RGS6: variants seen among roughly 807,000 people sequenced by gnomAD.
RGS6 encodes regulator of G-protein signaling 6.
Under a neutral mutation model 78.5 loss-of-function variants are expected in RGS6, and 30 were observed. The observed-to-expected ratio is 0.38, with a 90% CI of 0.29 to 0.52. The LOEUF is 0.52. RGS6 is among the 20% of genes least tolerant of loss of function. The pLI is 0.85. For synonymous variants in RGS6, 206 were observed against 206.0 expected (o/e 1.00, Z 0.00); for missense variants, 495 against 609.7 (o/e 0.81, Z 1.98).
At chr14:72,017,356 A>G (rs914528188) in intron 2 of RGS6, among the ~76,000 whole-genome samples, 2 of 152,238 alleles carry the variant, frequency 1.3e-5, no homozygotes, top group African/African-American at 2.4e-5. Flanking sequence ...CATTATGCAG[A>G]CAGATAAAAT....
chr14:71,997,273 G>A (rs11625937), intron 2 of RGS6, among the ~76,000 whole-genome samples: 25,123 of 152,080 alleles, frequency 0.17, 2,146 homozygotes, highest in East Asian at 0.21. Context: ...GAGAAGAGGA[G>A]CTGTGAGAAG....
At chr14:72,004,006 A>G (rs2084022593) in intron 2 of RGS6, among the ~76,000 whole-genome samples, 1 of 152,162 alleles carries the variant, frequency 6.6e-6, no homozygotes, top group Non-Finnish European at 1.5e-5. Context: ...TTTGCTCTCC[A>G]CTGGAATCAC....
the RGS6 span, among the ~76,000 whole-genome samples, chr14:71,906,626 G>T: frequency 6.6e-6 from 1 of 152,068 alleles, no homozygotes; most frequent in African/African-American, 2.4e-5. Flanking sequence ...CATGATACAG[G>T]AGAGTGCCCA....
At chr14:72,607,836 A>G in the RGS6 span, among the ~76,000 whole-genome samples, 1 of 152,202 alleles carries the variant, frequency 6.6e-6, no homozygotes, top group Middle Eastern at 3.2e-3. Flanking sequence ...TGGCTCGACA[A>G]CCTGCTCAAT....
At chr14:72,447,932 G>A (rs772125424) in intron 3 of RGS6, among the ~76,000 whole-genome samples, 1 of 152,174 alleles carries the variant, frequency 6.6e-6, no homozygotes, top group Non-Finnish European at 1.5e-5. Flanking sequence ...TCAAAATCAT[G>A]ACCTCAGGTG....
the RGS6 span, among the ~76,000 whole-genome samples, chr14:71,900,308 G>A: frequency 0.011 from 1,636 of 152,182 alleles, 27 homozygotes; most frequent in African/African-American, 0.036. Context: ...AGCACATTTT[G>A]TATAATTACC....
At chr14:72,118,902 C>G (rs1029552738) in intron 2 of RGS6, among the ~76,000 whole-genome samples, 6 of 152,212 alleles carry the variant, frequency 3.9e-5, no homozygotes, top group African/African-American at 1.4e-4. Flanking sequence ...CAGAATGCTT[C>G]TCTAAAGTTT....
Position 72,076,942 on chromosome 14 carries a change from C to T in RGS6, c.84+112067C>T, listed in dbSNP as rs192146165. On this transcript the variant is annotated intron_variant, in intron 2 of 17. Coordinates refer to ENST00000553525, the MANE Select transcript of RGS6 (RefSeq NM_001204424.2). ...TATAAATAGCCAAATTATACATATA[C>T]AGCCAAATTTTATATATATATATAT... 2.1e-4 allele frequency among the ~76,000 whole-genome samples: 31 copies of T among 144,636 alleles called. No individual in the cohort carries two copies. In the East Asian group the frequency reaches 5.5e-3, roughly 26 times the overall value. 94.9% of individuals were successfully genotyped at this position (144,636 alleles called of 152,430 possible).
chr14:72,574,784 G>T, the RGS6 span, among the ~76,000 whole-genome samples: 4 of 152,228 alleles, frequency 2.6e-5, no homozygotes, highest in African/African-American at 9.6e-5. Context: ...TGCTGAGGGT[G>T]CAGTGGGTGG....
At chr14:72,339,113 T>A (rs1478223123) in intron 2 of RGS6, among the ~76,000 whole-genome samples, 4 of 152,064 alleles carry the variant, frequency 2.6e-5, no homozygotes, top group African/African-American at 7.2e-5. Flanking sequence ...CCATTTGCTA[T>A]GATCAGAATG....
intron 3 of RGS6, among the ~76,000 whole-genome samples, chr14:72,398,561 T>C (rs1046561350): frequency 7.9e-5 from 12 of 152,280 alleles, no homozygotes; most frequent in East Asian, 1.9e-4. Flanking sequence ...TTCAGTTCTG[T>C]TCTGATCTTA....
At chr14:72,300,657 G>T (rs1329951923) in intron 2 of RGS6, among the ~76,000 whole-genome samples, 1 of 152,194 alleles carries the variant, frequency 6.6e-6, no homozygotes, top group Non-Finnish European at 1.5e-5. Flanking sequence ...GTCAGTGAAG[G>T]GGGTGGCATA....
At position 72,269,896 on chromosome 14, in the gene RGS6, C is replaced by T. The variant is rs1437787668; in HGVS notation, c.85-82199C>T. ...ATAGCTTTAATGCATCAAATATGGGCTTAGTTCCTCATGTAAACAATTCTC... is the reference window on the plus strand; with the variant it reads ...ATAGCTTTAATGCATCAAATATGGGTTTAGTTCCTCATGTAAACAATTCTC... On this transcript the variant is annotated intron_variant, in intron 2 of 17. Transcript: ENST00000553525. Among the ~76,000 whole-genome samples the T allele has an allele frequency of 2.0e-5, 3 of 152,080 alleles. 1 individual carries two copies. The highest frequency in any genetic ancestry group is 4.2e-4 in the South Asian group (2 of 4,814).
At chr14:72,207,462 A>G (rs1214788651) in intron 2 of RGS6, among the ~76,000 whole-genome samples, 1 of 152,086 alleles carries the variant, frequency 6.6e-6, no homozygotes, top group Non-Finnish European at 1.5e-5. Context: ...TAGATTGTCC[A>G]CCCTTTATGC....
chr14:71,963,025 T>C (rs1021866745), intron 1 of RGS6, among the ~76,000 whole-genome samples: 14 of 152,314 alleles, frequency 9.2e-5, no homozygotes, highest in African/African-American at 3.4e-4. Context: ...TATAGGACTT[T>C]TATGGCTTTA....
At chr14:72,576,426 G>A in the RGS6 span, among the ~76,000 whole-genome samples, 1 of 152,160 alleles carries the variant, frequency 6.6e-6, no homozygotes, top group South Asian at 2.1e-4. Context: ...AGGGATCCAG[G>A]TTTCCAACAC....
At chr14:72,396,294 T>C (rs999192440) in intron 3 of RGS6, among the ~76,000 whole-genome samples, 11 of 152,260 alleles carry the variant, frequency 7.2e-5, no homozygotes, top group African/African-American at 2.4e-4. Context: ...CCAGTGATGA[T>C]GAGCATTTTT....
intron 6 of RGS6, among the ~76,000 whole-genome samples, chr14:72,463,398 A>G (rs1470410659): frequency 2.0e-5 from 3 of 152,228 alleles, no homozygotes; most frequent in African/African-American, 7.2e-5. Flanking sequence ...AAGAACAGCC[A>G]CATCCCACCT....
intron 2 of RGS6, among the ~76,000 whole-genome samples, chr14:72,272,841 G>A (rs2060140644): frequency 6.6e-6 from 1 of 152,246 alleles, no homozygotes; most frequent in Non-Finnish European, 1.5e-5. Flanking sequence ...GAGACCAGGT[G>A]CAATGGCTCA....
Sources: allele counts gnomAD v4.1 joint callset (sites outside exome capture counted in the v4.1 genomes callset), GRCh38; gene constraint gnomAD v4.1.1; transcripts MANE v1.5; gene names NCBI Gene and HGNC (gene_info 2026-07-23, HGNC 2026-07-21).